Variants in GPHN observed in about 807,000 individuals in gnomAD.
GPHN encodes gephyrin.
In GPHN, 17 loss-of-function variants were observed where a neutral mutation model predicts 95.5. The ratio of observed to expected loss-of-function variants is 0.18; its 90% CI spans 0.12 to 0.27. The LOEUF (loss-of-function observed/expected upper bound fraction) is 0.27, where lower values mean the gene tolerates loss of function less well. GPHN is among the 10% of genes least tolerant of loss of function. The probability of loss-of-function intolerance (pLI) is 1.00; values close to 1 mark genes in which losing one functional copy is unlikely to be tolerated. For synonymous variants in GPHN, 320 were observed against 322.5 expected (o/e 0.99, Z 0.08); for missense variants, 660 against 978.1 (o/e 0.67, Z 4.34).
At chr14:67,283,452 A>G in the GPHN span, among the ~76,000 whole-genome samples, 7 of 152,308 alleles carry the variant, frequency 4.6e-5, no homozygotes, top group Admixed American at 3.9e-4. Context: ...GTTTATTTCA[A>G]GCCAACAGAC....
chr14:66,876,638 A>G (rs2063677475), intron 4 of GPHN, among the ~76,000 whole-genome samples: 1 of 152,212 alleles, frequency 6.6e-6, no homozygotes, highest in Admixed American at 6.5e-5. Flanking sequence ...TAAACTAGAA[A>G]ATCTAGAAGA....
the GPHN span, among the ~76,000 whole-genome samples, chr14:67,436,766 A>G: frequency 6.6e-6 from 1 of 152,164 alleles, no homozygotes; most frequent in African/African-American, 2.4e-5. Flanking sequence ...CAGAGAAGAC[A>G]CCAGGCAGGC....
intron 8 of GPHN, 21 bp downstream of exon 8, chr14:66,924,313 A>C (rs201387623): frequency 1.3e-4 from 168 of 1,335,688 alleles, no homozygotes; most frequent in Admixed American, 5.6e-4. Context: ...AGGCTTTTGC[A>C]TTAATGGTTT....
At chr14:67,267,343 C>G in the GPHN span, among the ~76,000 whole-genome samples, 1 of 152,072 alleles carries the variant, frequency 6.6e-6, no homozygotes, top group African/African-American at 2.4e-5. Flanking sequence ...ACTGCAACCT[C>G]TGCCTCCCAG....
chr14:66,541,657 T>C lies in GPHN; in HGVS notation c.64+33066T>C, dbSNP rs1179470311. On this transcript the variant is annotated intron_variant, in intron 1 of 22. Transcript: ENST00000478722. Reference sequence around the variant, plus strand: ...TGGTGGGATATGGCAAGATTCAGTATCATTTGGAAGTTTGGACACTGACAG... The same window carrying C: ...TGGTGGGATATGGCAAGATTCAGTACCATTTGGAAGTTTGGACACTGACAG... Among the ~76,000 whole-genome samples, 3 of 152,304 alleles carry C rather than the reference T, an allele frequency of 2.0e-5. No individual in the cohort carries two copies. In the East Asian group the frequency reaches 5.8e-4, roughly 29 times the overall value.
chr14:67,440,928 T>C, the GPHN span, among the ~76,000 whole-genome samples: 1 of 152,084 alleles, frequency 6.6e-6, no homozygotes. Context: ...TCCTAACTCT[T>C]GTAGTGTCAT....
chr14:66,810,838 C>G (rs1283909142), intron 3 of GPHN, among the ~76,000 whole-genome samples: 1 of 152,148 alleles, frequency 6.6e-6, no homozygotes, highest in Non-Finnish European at 1.5e-5. Flanking sequence ...GAGCACAAAG[C>G]TAGTAAGTAG....
At chr14:67,716,609 T>C in the GPHN span, among the ~76,000 whole-genome samples, 1 of 151,904 alleles carries the variant, frequency 6.6e-6, no homozygotes, top group African/African-American at 2.4e-5. Context: ...ACAGGCTGAG[T>C]GTGGTGGCTC....
chr14:67,529,718 C>T, the GPHN span, among the ~76,000 whole-genome samples: 2 of 152,218 alleles, frequency 1.3e-5, no homozygotes. Flanking sequence ...TCTCATGTCC[C>T]ATGGTGGCTA....
chr14:67,287,954 G>A, the GPHN span, among the ~76,000 whole-genome samples: 1 of 152,190 alleles, frequency 6.6e-6, no homozygotes, highest in African/African-American at 2.4e-5. Context: ...ATTCCCCTGA[G>A]GTTGAAGAGA....
chr14:66,543,047 G>T (rs865987124), intron 1 of GPHN, among the ~76,000 whole-genome samples: 1 of 152,082 alleles, frequency 6.6e-6, no homozygotes, highest in East Asian at 1.9e-4. Flanking sequence ...GAGAGAGAGT[G>T]GGGGGAGATG....
At chr14:67,048,828 ATATGAGT>A (rs1301889896) in intron 10 of GPHN, among the ~76,000 whole-genome samples, 2 of 152,176 alleles carry the variant, frequency 1.3e-5, no homozygotes, top group Non-Finnish European at 2.9e-5. Flanking sequence ...TTTGTAATAC[ATATGAGT>A]TTAATAAAGC....
the GPHN span, among the ~76,000 whole-genome samples, chr14:67,686,953 C>T: frequency 6.6e-6 from 1 of 152,172 alleles, no homozygotes; most frequent in Admixed American, 6.5e-5. Flanking sequence ...TACTCGACAT[C>T]TCCCTAGATG....
At chr14:67,282,495 T>C in the GPHN span, among the ~76,000 whole-genome samples, 1 of 152,102 alleles carries the variant, frequency 6.6e-6, no homozygotes, top group African/African-American at 2.4e-5. Flanking sequence ...GATTAAGTAA[T>C]TGGGTGGTTT....
the GPHN span, chr14:67,569,318 C>A: frequency 1.3e-6 from 1 of 756,188 alleles, no homozygotes; most frequent in Non-Finnish European, 2.3e-6. Context: ...CCAGGGTTGG[C>A]TGGCCTACCC....
At chr14:67,423,766 G>A in the GPHN span, among the ~76,000 whole-genome samples, 1 of 152,194 alleles carries the variant, frequency 6.6e-6, no homozygotes, top group African/African-American at 2.4e-5. Flanking sequence ...CTCCCAGCAA[G>A]GTGAGTGTGT....
the GPHN span, among the ~76,000 whole-genome samples, chr14:67,609,677 G>C: frequency 6.6e-6 from 1 of 152,130 alleles, no homozygotes; most frequent in Non-Finnish European, 1.5e-5. Context: ...ATTCAGATGT[G>C]GTTGAAAGGG....
chr14:66,969,345 C>T (rs997244676), intron 9 of GPHN: 7 of 152,062 alleles, frequency 4.6e-5, no homozygotes, highest in Admixed American at 2.6e-4. Flanking sequence ...GAAGTATAGA[C>T]AATATCTAGA....
chr14:66,851,325 G>T (rs1000430594), intron 4 of GPHN, among the ~76,000 whole-genome samples: 2 of 151,624 alleles, frequency 1.3e-5, no homozygotes, highest in African/African-American at 4.8e-5. Flanking sequence ...CTACAACTTT[G>T]ACTTTTAGCA....
Sources: gnomAD v4.1 joint callset for allele counts (sites outside exome capture counted in the v4.1 genomes callset) on GRCh38, gnomAD v4.1.1 for gene constraint, MANE v1.5 for transcripts, NCBI Gene and HGNC (gene_info 2026-07-23, HGNC 2026-07-21) for gene names.